Variants in MCM9 observed in about 807,000 individuals in gnomAD.
MCM9 encodes the protein minichromosome maintenance 9 homologous recombination repair factor.
In MCM9, 55 loss-of-function variants were observed where a neutral mutation model predicts 72.8. That is an observed-to-expected ratio of 0.76 (90% CI 0.61 to 0.95). The LOEUF is 0.95. MCM9 is among the 40% of genes least tolerant of loss of function. MCM9 has a pLI of 0.00. For synonymous variants in MCM9, 480 were observed against 503.4 expected (o/e 0.95, Z 0.62); for missense variants, 1,279 against 1,377.0 (o/e 0.93, Z 1.13).
At chr6:118,869,383 C>T (rs1777433362) in intron 8 of MCM9, among the ~76,000 whole-genome samples, 1 of 151,992 alleles carries the variant, frequency 6.6e-6, no homozygotes, top group East Asian at 1.9e-4. Flanking sequence ...ACGTTGTGCA[C>T]ATGTACCCTA....
intron 8 of MCM9, among the ~76,000 whole-genome samples, chr6:118,890,624 A>G (rs534192944): frequency 6.6e-6 from 1 of 152,252 alleles, no homozygotes; most frequent in Non-Finnish European, 1.5e-5. Context: ...TCACATAACA[A>G]ATGCTCTCTG....
chr6:118,909,640 G>C (rs1780396902), intron 8 of MCM9, among the ~76,000 whole-genome samples: 1 of 152,066 alleles, frequency 6.6e-6, no homozygotes, highest in African/African-American at 2.4e-5. Flanking sequence ...GGTATTATTT[G>C]GGCTGAGAAA....
intron 8 of MCM9, among the ~76,000 whole-genome samples, chr6:118,892,937 T>A (rs563738667): frequency 6.6e-6 from 1 of 152,268 alleles, no homozygotes; most frequent in South Asian, 2.1e-4. Context: ...GACCAAAGAA[T>A]GACAAATCAA....
At chr6:118,871,084 C>T (rs898544692) in intron 8 of MCM9, among the ~76,000 whole-genome samples, 20 of 152,206 alleles carry the variant, frequency 1.3e-4, no homozygotes, top group African/African-American at 4.3e-4. Flanking sequence ...AAAGAGAATT[C>T]CGAACTCATC....
At position 118,826,804 on chromosome 6, in the gene MCM9, G is replaced by A. The variant is rs1287359974; in HGVS notation, c.1793C>T (p.Ser598Leu). ...TACCTGCATTGAGGACTCCATGACT[G>A]ACACCACCGTAATAGCGTCTTCCAG... ...VTLEDAITVV[S>L]VMESSMQGGA... The change falls in exon 12 of 14, where the codon TCA becomes TTA. Residue 598 changes from serine (S) to leucine (L), a missense_variant. Coordinates refer to ENST00000619706, the MANE Select transcript of MCM9 (RefSeq NM_017696.3). 6.5e-6 allele frequency: 10 copies of A among 1,550,274 alleles called. No individual in the cohort carries two copies. In the East Asian group the frequency reaches 2.0e-4, roughly 30 times the overall value.
At chr6:118,871,921 A>C (rs1777625093) in intron 8 of MCM9, among the ~76,000 whole-genome samples, 1 of 152,236 alleles carries the variant, frequency 6.6e-6, no homozygotes, top group Admixed American at 6.5e-5. Flanking sequence ...CAAAACAAAC[A>C]AACAAACAAA....
intron 8 of MCM9, among the ~76,000 whole-genome samples, chr6:118,863,766 C>G (rs746081186): frequency 6.6e-6 from 1 of 152,180 alleles, no homozygotes; most frequent in African/African-American, 2.4e-5. Flanking sequence ...CCTCAGAACT[C>G]TGCAGAGAGT....
intron 13 of MCM9, among the ~76,000 whole-genome samples, chr6:118,819,572 C>T (rs565533485): frequency 9.4e-4 from 143 of 151,904 alleles, no homozygotes; most frequent in African/African-American, 3.3e-3. Context: ...GATACTGGCC[C>T]GAAATTTTCT....
At position 118,828,048 on chromosome 6, in the gene MCM9, T is replaced by C. The variant is rs1016402595; in HGVS notation, c.1611A>G (p.Thr537=). The part of the protein sequence containing the change: ...YFCLIRNLQP[T]LSDVGNQVLL... ...GAACCTGATTGCCCACATCAGACAG[T>C]GTGGGCTGCAGATTCCTTATGAGGC... The change falls in exon 11 of 14, where the codon ACA becomes ACG. Residue 537 remains threonine, a synonymous_variant. Coordinates refer to ENST00000619706, the MANE Select transcript of MCM9 (RefSeq NM_017696.3). 1 of 1,550,760 alleles carries C rather than the reference T, an allele frequency of 6.4e-7. No individual in the cohort carries two copies.
chr6:118,917,986 C>G, intron 5 of MCM9: 1 of 546,006 alleles, frequency 1.8e-6, no homozygotes, highest in East Asian at 2.9e-5. Flanking sequence ...GTCAGTATTT[C>G]CTATTTTTCA....
chr6:118,871,840 A>C (rs1019036666), intron 8 of MCM9, among the ~76,000 whole-genome samples: 3 of 150,402 alleles, frequency 2.0e-5, no homozygotes, highest in Non-Finnish European at 4.4e-5. Context: ...CTGGGAGGCA[A>C]AGGTTGCAGT....
chr6:118,923,982 G>C lies in MCM9; in HGVS notation c.450C>G (p.Cys150Trp). 1 of 1,614,168 alleles carries C rather than the reference G, an allele frequency of 6.2e-7. No individual in the cohort carries two copies. The highest frequency in any genetic ancestry group is 8.5e-7 in the Non-Finnish European group (1 of 1,180,022). The change falls in exon 4 of 14, where the codon TGC (cysteine) becomes TGG (tryptophan). Residue 150 changes from cysteine to tryptophan, a missense_variant. Cys to Trp is a radical substitution (Grantham distance 215, BLOSUM62 -2). Transcript: ENST00000619706. ...CAGCCTTGATCACAAACACATGCTT[G>C]CATTTGTTACACATGTAATCCCGCT... Reference protein sequence around the residue: ...EFERDYMCNKCKHVFVIKADF... With the variant: ...EFERDYMCNKWKHVFVIKADF...
intron 8 of MCM9, among the ~76,000 whole-genome samples, chr6:118,876,658 C>T (rs978375072): frequency 3.9e-5 from 6 of 152,134 alleles, no homozygotes; most frequent in African/African-American, 7.2e-5. Flanking sequence ...AGTTGATCCT[C>T]GCTGAAGTTA....
rs186095947 is a variant in MCM9 at position 118,826,813 on chromosome 6, G to A, written c.1784C>T (p.Thr595Met). 5.8e-6 allele frequency: 9 copies of A among 1,550,272 alleles called. No homozygotes were observed. Among genetic ancestry groups the A allele is most frequent in the African/African-American group, 2.7e-5 (2 of 73,130 alleles). Residue 595 changes from threonine to methionine, a missense_variant, in exon 12 of 14, where the codon ACG becomes ATG. By Grantham distance (81) the Thr-to-Met change is moderately conservative. Coordinates refer to ENST00000619706, the MANE Select transcript of MCM9 (RefSeq NM_017696.3). ...RDTVTLEDAITVVSVMESSMQ... is the reference protein window; with the variant it reads ...RDTVTLEDAIMVVSVMESSMQ... ...TGAGGACTCCATGACTGACACCACC[G>A]TAATAGCGTCTTCCAGAGTTACAGT... is the stretch of plus-strand genomic sequence containing the variant.
intron 8 of MCM9, among the ~76,000 whole-genome samples, chr6:118,884,947 A>G (rs949669903): frequency 2.6e-5 from 4 of 152,228 alleles, no homozygotes; most frequent in Admixed American, 1.3e-4. Context: ...CTGTAATCCC[A>G]GCACTTTAGG....
intron 8 of MCM9, among the ~76,000 whole-genome samples, chr6:118,860,654 C>T (rs1327573560): frequency 6.6e-6 from 1 of 152,054 alleles, no homozygotes; most frequent in Admixed American, 6.6e-5. Context: ...TACACTCAAG[C>T]ACATTCCATT....
chr6:118,821,165 C>G (rs545345388), intron 13 of MCM9, among the ~76,000 whole-genome samples: 7 of 152,098 alleles, frequency 4.6e-5, no homozygotes, highest in African/African-American at 1.7e-4. Flanking sequence ...ATCCTGTTAT[C>G]ATGATGCTAT....
rs1188867980 is a variant in MCM9, at chr6:118,814,785, G to A, written c.*39C>T. 1 of 1,464,182 alleles carries A rather than the reference G, an allele frequency of 6.8e-7. No homozygotes were observed. Among genetic ancestry groups the A allele is most frequent in the Non-Finnish European group, 9.0e-7 (1 of 1,105,872 alleles). The allele number at this position is 1,464,182 out of a possible 1,614,324, so 90.7% of individuals were successfully genotyped here. A position where few individuals can be genotyped will look rare whatever the true frequency, so the allele number is the denominator to read the frequency against. ...TGATATCCTGAAGGTCCTCTGTGGAGTTGAAGAAGGTGAGATTTGACCAGA... is the reference window on the plus strand; with the variant it reads ...TGATATCCTGAAGGTCCTCTGTGGAATTGAAGAAGGTGAGATTTGACCAGA... On this transcript the variant is annotated 3_prime_UTR_variant, in exon 14 of 14. Transcript: ENST00000619706.
chr6:118,910,991 C>T lies in MCM9; in HGVS notation c.1150+659G>A, dbSNP rs754063313. The T allele has an allele frequency of 3.6e-5, 35 of 985,282 alleles. No homozygotes were observed. The South Asian group carries it at 9.4e-4, about 26-fold the overall frequency. 61.0% of individuals were successfully genotyped at this position (985,282 alleles called of 1,614,324 possible). A position where few individuals can be genotyped will look rare whatever the true frequency, so the allele number is the denominator to read the frequency against. On this transcript the variant is annotated intron_variant, in intron 8 of 13. Coordinates refer to ENST00000619706, the MANE Select transcript of MCM9 (RefSeq NM_017696.3). ...AGCCAAGGGTCTGTTTTCAGAAGAA[C>T]AGAAACATTACCCAATCAAAACTGT...
Sources: allele counts gnomAD v4.1 joint callset (sites outside exome capture counted in the v4.1 genomes callset), GRCh38; gene constraint gnomAD v4.1.1; transcripts MANE v1.5; gene names NCBI Gene and HGNC (gene_info 2026-07-23, HGNC 2026-07-21).